SLC9A1: variants seen among roughly 807,000 people sequenced by gnomAD.
The protein encoded by SLC9A1 is sodium/hydrogen exchanger 1.
A neutral mutation model predicts 67.9 loss-of-function variants in SLC9A1; 22 were observed. The ratio of observed to expected loss-of-function variants is 0.32; its 90% confidence interval spans 0.23 to 0.46. SLC9A1 has a LOEUF of 0.46. SLC9A1 is among the 20% of genes least tolerant of loss of function. The probability of loss-of-function intolerance (pLI) is 1.00; values close to 1 mark genes in which losing one functional copy is unlikely to be tolerated. For missense variants in SLC9A1, 686 were observed against 1,094.8 expected (o/e 0.63, Z 5.27); for synonymous variants, 421 against 471.8 (o/e 0.89, Z 1.40).
chr1:27,140,257 T>C (rs2083445894), intron 1 of SLC9A1, among the ~76,000 whole-genome samples: 1 of 152,114 alleles, frequency 6.6e-6, no homozygotes, highest in Admixed American at 6.5e-5. Context: ...AGCCTCTCCC[T>C]TGAGGCTGGG....
chr1:27,113,319 G>C (rs1027099533), intron 2 of SLC9A1, among the ~76,000 whole-genome samples: 1 of 152,124 alleles, frequency 6.6e-6, no homozygotes, highest in African/African-American at 2.4e-5. Context: ...AATTAGCCGG[G>C]TGTGGTGGTG....
rs3738689 is a variant in SLC9A1, at chr1:27,109,485, C to G, written c.1064+42G>C. On this transcript the variant is annotated intron_variant, in intron 3 of 11. Transcript: ENST00000263980. This position sits in a 1 kb window ranked among gnomAD's most constrained non-coding sequence, Gnocchi z 5.5. ...GGGAATCCAAGCTGGCAGCCCCCGC[C>G]CCCACCCCGCCAAGCCCACTGCCTG... The G allele has an allele frequency of 0.35, 561,073 of 1,597,688 alleles. 103,074 individuals are homozygous for G. The highest frequency in any genetic ancestry group is 0.38 in the Non-Finnish European group (448,911 of 1,172,852).
Position 27,138,707 on chromosome 1 carries a change from C to T in SLC9A1, c.352+15276G>A, listed in dbSNP as rs558219011. On this transcript the variant is annotated intron_variant, in intron 1 of 11. Transcript: ENST00000263980. The stretch of plus-strand genomic sequence containing the variant: ...GTATGGAGGAACAGGCCTGGCAAGG[C>T]AGATGTGCGTTAGGGACACAGGAAG... 4.8e-4 allele frequency among the ~76,000 whole-genome samples: 73 copies of T among 152,162 alleles called. No individual in the cohort carries two copies. In the Middle Eastern group the frequency reaches 0.01, roughly 21 times the overall value.
chr1:27,125,237 C>CTTTTTTT (rs71010327), intron 1 of SLC9A1, among the ~76,000 whole-genome samples: 40 of 86,864 alleles, frequency 4.6e-4, no homozygotes, highest in East Asian at 1.6e-3. Context: ...CCTTTTCTTT[C>CTTTTTTT]TTTTTTTTTT....
At chr1:27,119,110 A>G (rs1481408732) in intron 1 of SLC9A1, among the ~76,000 whole-genome samples, 12 of 151,264 alleles carry the variant, frequency 7.9e-5, no homozygotes, top group Non-Finnish European at 1.0e-4. Flanking sequence ...ACACCTCACC[A>G]AACTTCCAAT....
rs1051878381 is a variant in SLC9A1 at position 27,101,734 on chromosome 1, C to T, written c.2028G>A (p.Leu676=). 3.7e-6 allele frequency: 6 copies of T among 1,610,928 alleles called. No individual in the cohort carries two copies. Among genetic ancestry groups the T allele is most frequent in the Non-Finnish European group, 5.1e-6 (6 of 1,178,148 alleles). The change falls in exon 10 of 12, where the codon CTG becomes CTA. Residue 676 remains leucine, a synonymous_variant. Coordinates refer to ENST00000263980, the MANE Select transcript of SLC9A1 (RefSeq NM_003047.5). This position sits in a 1 kb window ranked among gnomAD's most constrained non-coding sequence, Gnocchi z 4.9. Reference sequence around the variant, plus strand: ...GGAAGGCAGAGGCTACCTTCTGCTCCAGCTGCCGGGCCTTCTGCCTCCGGA... The same window carrying T: ...GGAAGGCAGAGGCTACCTTCTGCTCTAGCTGCCGGGCCTTCTGCCTCCGGA... ...MLLRRQKARQ[L]EQKINNYLTV... is the part of the protein sequence containing the mutation.
chr1:27,101,660 G>C lies in SLC9A1; in HGVS notation c.2037+65C>G, dbSNP rs991848518. 5 of 1,162,878 alleles carry C rather than the reference G, an allele frequency of 4.3e-6. No homozygotes were observed. The highest frequency in any genetic ancestry group is 6.3e-6 in the Non-Finnish European group (5 of 788,312). 72.0% of individuals were successfully genotyped at this position (1,162,878 alleles called of 1,614,324 possible). On this transcript the variant is annotated intron_variant, in intron 10 of 11. Coordinates refer to ENST00000263980, the MANE Select transcript of SLC9A1 (RefSeq NM_003047.5). The surrounding 1 kb of genome is among the most constrained non-coding windows in gnomAD (Gnocchi z 4.9). ...TTCCTAGAATGGGTACATTTCCTTA[G>C]AGGCTGTGGCGGAGCTTGGGCGAGT...
intron 1 of SLC9A1, among the ~76,000 whole-genome samples, chr1:27,135,525 G>GAAAAA (rs36107223): frequency 9.1e-5 from 10 of 110,014 alleles, no homozygotes; most frequent in Admixed American, 1.0e-4. Context: ...CTTTTTTCTG[G>GAAAAA]AAAAAAAAAA....
At position 27,154,014 on chromosome 1, in the gene SLC9A1, G is replaced by A. The variant is rs747048950; in HGVS notation, c.321C>T (p.Leu107=). The change falls in exon 1 of 12, where the codon CTC becomes CTT. Residue 107 remains leucine (L), a synonymous_variant. Coordinates refer to ENST00000263980, the MANE Select transcript of SLC9A1 (RefSeq NM_003047.5). The part of the protein sequence containing the change: ...THVRTPFEIS[L]WILLACLMKI... ...TCATGAGGCAGGCCAGAAGGATCCA[G>A]AGGGAGATCTCGAAGGGGGTGCGCA... The A allele has an allele frequency of 6.3e-7, 1 of 1,586,190 alleles. No individual in the cohort carries two copies. Among genetic ancestry groups the A allele is most frequent in the Non-Finnish European group, 8.6e-7 (1 of 1,162,342 alleles).
chr1:27,101,896 G>T lies in SLC9A1; in HGVS notation c.1936-70C>A. On this transcript the variant is annotated intron_variant, in intron 9 of 11. Coordinates refer to ENST00000263980, the MANE Select transcript of SLC9A1 (RefSeq NM_003047.5). This position sits in a 1 kb window ranked among gnomAD's most constrained non-coding sequence, Gnocchi z 4.9. ...CTGCTCATGGAGGGGTGGGGGCAGT[G>T]CTGGAGGCCGGGCCAGTCCTGGGGT... 6.9e-7 allele frequency: 1 copy of T among 1,445,920 alleles called. No individual in the cohort carries two copies. Among genetic ancestry groups the T allele is most frequent in the Non-Finnish European group, 9.7e-7 (1 of 1,032,350 alleles). The allele number at this position is 1,445,920 out of a possible 1,614,324, so 89.6% of individuals were successfully genotyped here.
At position 27,155,121 on chromosome 1, in the gene SLC9A1, A is replaced by G. The variant is rs550625585; in HGVS notation, c.-787T>C. On this transcript the variant is annotated 5_prime_UTR_variant, in exon 1 of 12. Coordinates refer to ENST00000263980, the MANE Select transcript of SLC9A1 (RefSeq NM_003047.5). This position sits in a 1 kb window ranked among gnomAD's most constrained non-coding sequence, Gnocchi z 4.5. ...CCCTAGCCCCGGCCCCGGCGGCAGC[A>G]GACTGAAGCCTAGCTGAGCCCGGCG... Among the ~76,000 whole-genome samples the G allele has an allele frequency of 9.2e-5, 14 of 152,098 alleles. No individual in the cohort carries two copies. The highest frequency in any genetic ancestry group is 7.2e-4 in the Admixed American group (11 of 15,266).
At chr1:27,102,182 C>T in intron 8 of SLC9A1, 52 bp from the exon 9 acceptor site, 1 of 1,504,876 alleles carries the variant, frequency 6.6e-7, no homozygotes, top group Non-Finnish European at 9.3e-7. Flanking sequence ...GATCCTGGTG[C>T]CTCCCAGGTT....
chr1:27,137,903 G>C lies in SLC9A1; in HGVS notation c.352+16080C>G, dbSNP rs1275548146. Among the ~76,000 whole-genome samples, 2 of 152,202 alleles carry C rather than the reference G, an allele frequency of 1.3e-5. No homozygotes were observed. The highest frequency in any genetic ancestry group is 2.9e-5 in the Non-Finnish European group (2 of 68,032). ...GCGTCCTGCTCGCCCCTCCCTGCTA[G>C]CAGCTCTCCTAGGCTGGAGCTTCCA... is the stretch of plus-strand genomic sequence containing the variant. On this transcript the variant is annotated intron_variant, in intron 1 of 11. Transcript: ENST00000263980. The surrounding 1 kb of genome is among the most constrained non-coding windows in gnomAD (Gnocchi z 4.6).
At chr1:27,112,478 ATC>A (rs762390513) in intron 2 of SLC9A1, among the ~76,000 whole-genome samples, 32 of 152,354 alleles carry the variant, frequency 2.1e-4, no homozygotes, top group African/African-American at 5.5e-4. Flanking sequence ...ACATGCACAC[ATC>A]TGTTTCCCAA....
chr1:27,129,232 G>GGTCC (rs1410124170), intron 1 of SLC9A1, among the ~76,000 whole-genome samples: 2 of 152,154 alleles, frequency 1.3e-5, no homozygotes, highest in African/African-American at 4.8e-5. Context: ...ATCTCAAGGG[G>GGTCC]GTCCCCTAAG....
At chr1:27,119,042 A>ACAC (rs2083289403) in intron 1 of SLC9A1, among the ~76,000 whole-genome samples, 1 of 139,358 alleles carries the variant, frequency 7.2e-6, no homozygotes, top group African/African-American at 2.7e-5. Flanking sequence ...AGCTGGAACG[A>ACAC]ACACACACAC....
rs758416733 is a variant in SLC9A1, at chr1:27,100,584, G to A, written c.2171C>T (p.Pro724Leu). 7 of 1,613,548 alleles carry A rather than the reference G, an allele frequency of 4.3e-6. No individual in the cohort carries two copies. The highest frequency in any genetic ancestry group is 2.2e-5 in the East Asian group (1 of 44,896). ...CAGGTCCACAGACTCGGGTGACTGCGGGGAAGCCGGGTCGATGGTGATGAC... is the reference window on the plus strand; with the variant it reads ...CAGGTCCACAGACTCGGGTGACTGCAGGGAAGCCGGGTCGATGGTGATGAC... ...LPVITIDPASPQSPESVDLVN... is the reference protein window; with the variant it reads ...LPVITIDPASLQSPESVDLVN... The change falls in exon 12 of 12, where the codon CCG (proline) becomes CTG (leucine). Residue 724 changes from proline to leucine, a missense_variant. This residue lies in a region of SLC9A1 where 226 missense variants were observed against 282.4 expected (regional missense o/e 0.80). Coordinates refer to ENST00000263980, the MANE Select transcript of SLC9A1 (RefSeq NM_003047.5). The surrounding 1 kb of genome is among the most constrained non-coding windows in gnomAD (Gnocchi z 5.6).
chr1:27,102,846 T>A (rs1050184711), intron 6 of SLC9A1, 103 bp from the exon 7 acceptor site: 2 of 1,052,706 alleles, frequency 1.9e-6, no homozygotes, highest in Non-Finnish European at 2.9e-6. Context: ...CCCTGCTGGG[T>A]CCAGCCCTGT....
chr1:27,115,948 C>A (rs950954270), intron 1 of SLC9A1, among the ~76,000 whole-genome samples: 1 of 152,116 alleles, frequency 6.6e-6, no homozygotes, highest in African/African-American at 2.4e-5. Context: ...CAGGCCTCTG[C>A]TCTCATTACT....
Sources: gnomAD v4.1 joint callset for allele counts (sites outside exome capture counted in the v4.1 genomes callset) on GRCh38, gnomAD v4.1.1 for gene constraint, gnomAD v4.1.1 regional missense constraint, Gnocchi (gnomAD v3.1) non-coding constraint, MANE v1.5 for transcripts, NCBI Gene and HGNC (gene_info 2026-07-23, HGNC 2026-07-21) for gene names.